ANKS1B: variants seen among roughly 807,000 people sequenced by gnomAD.
ANKS1B encodes the protein ankyrin repeat and sterile alpha motif domain-containing protein 1B.
Under a neutral mutation model 148.3 loss-of-function variants are expected in ANKS1B, and 36 were observed. That is an observed-to-expected ratio of 0.24 (90% confidence interval 0.19 to 0.32). The LOEUF (loss-of-function observed/expected upper bound fraction) is 0.32. Ranked by LOEUF, ANKS1B falls within the 10% of genes least tolerant of loss-of-function variation. ANKS1B has a pLI of 1.00. For missense variants in ANKS1B, 1,157 were observed against 1,542.6 expected (o/e 0.75, Z 4.19); for synonymous variants, 542 against 560.8 (o/e 0.97, Z 0.47).
At chr12:99,387,707 C>T (rs2093923780) in intron 12 of ANKS1B, among the ~76,000 whole-genome samples, 1 of 151,958 alleles carries the variant, frequency 6.6e-6, no homozygotes, top group African/African-American at 2.4e-5. Flanking sequence ...TGGGCTCTCA[C>T]CAGAACCAAA....
chr12:99,504,442 T>G, intron 10 of ANKS1B, 34 bp downstream of exon 10: 1 of 1,591,508 alleles, frequency 6.3e-7, no homozygotes, highest in Non-Finnish European at 8.5e-7. Flanking sequence ...AGCAAGTAAA[T>G]TGAATCAGGC....
At chr12:98,932,294 G>A (rs566425159) in intron 17 of ANKS1B, among the ~76,000 whole-genome samples, 134 of 152,302 alleles carry the variant, frequency 8.8e-4, no homozygotes, top group African/African-American at 3.0e-3. Context: ...TGTATAAGAA[G>A]AGATGTTTTC....
At chr12:98,863,934 C>G (rs2099612026) in intron 17 of ANKS1B, among the ~76,000 whole-genome samples, 2 of 152,188 alleles carry the variant, frequency 1.3e-5, no homozygotes, top group East Asian at 3.8e-4. Flanking sequence ...TACGTGGCAA[C>G]AGATTTACCT....
At chr12:98,813,503 C>T (rs2099114670) in intron 19 of ANKS1B, among the ~76,000 whole-genome samples, 1 of 151,324 alleles carries the variant, frequency 6.6e-6, no homozygotes, top group Non-Finnish European at 1.5e-5. Context: ...AGTTGTGAGC[C>T]ACTGTGCCCA....
chr12:99,840,455 T>C (rs954829911), intron 1 of ANKS1B, among the ~76,000 whole-genome samples: 14 of 152,092 alleles, frequency 9.2e-5, no homozygotes, highest in African/African-American at 3.1e-4. Flanking sequence ...TCTGCTGCTC[T>C]GCTAAGAATA....
At chr12:99,906,573 ATCT>A (rs772881214) in intron 1 of ANKS1B, among the ~76,000 whole-genome samples, 1 of 152,108 alleles carries the variant, frequency 6.6e-6, no homozygotes, top group Non-Finnish European at 1.5e-5. Context: ...TATTCATCTC[ATCT>A]TCTTCTCCTT....
chr12:99,289,682 A>G (rs1363490438), intron 12 of ANKS1B, among the ~76,000 whole-genome samples: 9 of 152,050 alleles, frequency 5.9e-5, no homozygotes, highest in Non-Finnish European at 1.3e-4. Context: ...GTGAATTAAT[A>G]AAGACATTAA....
chr12:99,840,157 G>C (rs1030121354), intron 1 of ANKS1B, among the ~76,000 whole-genome samples: 30 of 152,112 alleles, frequency 2.0e-4, no homozygotes, highest in Non-Finnish European at 4.0e-4. Flanking sequence ...TATCAAGAAA[G>C]GCAAGAGGAA....
At chr12:98,742,953 C>T (rs560838333), downstream of ANKS1B, among the ~76,000 whole-genome samples, 9 of 152,250 alleles carry the variant, frequency 5.9e-5, no homozygotes, top group South Asian at 1.5e-3. Flanking sequence ...AAATGTGTTT[C>T]GAACCTTCAG....
At position 98,832,052 on chromosome 12, in the gene ANKS1B, G is replaced by C. The variant is rs1406099200; in HGVS notation, c.2863C>G (p.Pro955Ala). The change falls in exon 18 of 27, where the codon CCC (proline) becomes GCC (alanine). Residue 955 changes from proline (P) to alanine (A), a missense_variant. By Grantham distance (27) the Pro-to-Ala change is conservative. This residue lies in a region of ANKS1B where 258 missense variants were observed against 497.0 expected (regional missense o/e 0.52). Transcript: ENST00000683438. ...DRLHDDPPQK[P>A]PRSITLREPS... ...ACCCTGAGGGTGATGGACCGAGGGGGCTTCTGTGGGGGATCGTCGTGCAGC... is the reference window on the plus strand; with the variant it reads ...ACCCTGAGGGTGATGGACCGAGGGGCCTTCTGTGGGGGATCGTCGTGCAGC... 1.3e-6 allele frequency: 2 copies of C among 1,596,280 alleles called. No individual in the cohort carries two copies. Among genetic ancestry groups the C allele is most frequent in the South Asian group, 1.1e-5 (1 of 87,416 alleles).
chr12:99,310,997 T>C (rs972519947), intron 12 of ANKS1B, among the ~76,000 whole-genome samples: 1 of 152,152 alleles, frequency 6.6e-6, no homozygotes, highest in Non-Finnish European at 1.5e-5. Flanking sequence ...TTTGTGAGAA[T>C]TAAATGAGCT....
At chr12:99,636,920 T>C (rs2153412287) in intron 9 of ANKS1B, among the ~76,000 whole-genome samples, 1 of 152,286 alleles carries the variant, frequency 6.6e-6, no homozygotes, top group Non-Finnish European at 1.5e-5. Flanking sequence ...ATAATTTGAT[T>C]CACATGAGAA....
intron 17 of ANKS1B, among the ~76,000 whole-genome samples, chr12:98,978,197 C>T (rs2099901071): frequency 6.6e-6 from 1 of 151,942 alleles, no homozygotes; most frequent in Non-Finnish European, 1.5e-5. Flanking sequence ...TATTACCTTG[C>T]TACTTGTTTT....
chr12:99,205,276 C>T (rs1338010696), intron 14 of ANKS1B, among the ~76,000 whole-genome samples: 1 of 152,184 alleles, frequency 6.6e-6, no homozygotes, highest in Admixed American at 6.5e-5. Flanking sequence ...AATCAGTCTG[C>T]TTTTTGTTTT....
At chr12:99,501,549 T>C (rs1190474540) in intron 10 of ANKS1B, among the ~76,000 whole-genome samples, 3 of 152,184 alleles carry the variant, frequency 2.0e-5, no homozygotes, top group Non-Finnish European at 4.4e-5. Flanking sequence ...TGCCTTGTTC[T>C]GCTCACAAAA....
At chr12:99,026,728 C>T (rs1308382951) in intron 17 of ANKS1B, among the ~76,000 whole-genome samples, 1 of 152,166 alleles carries the variant, frequency 6.6e-6, no homozygotes, top group Non-Finnish European at 1.5e-5. Context: ...CAACCAAGAA[C>T]TTAAATGCAG....
intron 17 of ANKS1B, among the ~76,000 whole-genome samples, chr12:98,965,028 T>C (rs1381468252): frequency 6.6e-6 from 1 of 152,124 alleles, no homozygotes; most frequent in Non-Finnish European, 1.5e-5. Flanking sequence ...GCCCATGCAA[T>C]AATGCCTGTA....
chr12:99,920,608 G>C (rs7315179), intron 1 of ANKS1B, among the ~76,000 whole-genome samples: 91,826 of 151,798 alleles, frequency 0.6, 28,924 homozygotes, highest in Middle Eastern at 0.7. Context: ...TAGTTTAAAA[G>C]TCCCTGGCAT....
chr12:99,402,592 T>G (rs74445616), intron 11 of ANKS1B, among the ~76,000 whole-genome samples: 4,748 of 145,794 alleles, frequency 0.033, 827 homozygotes, highest in African/African-American at 0.11. Context: ...GCTCCTGCAT[T>G]AGTTCACTCA....
Sources: allele counts gnomAD v4.1 joint callset (sites outside exome capture counted in the v4.1 genomes callset), GRCh38; gene constraint gnomAD v4.1.1; regional missense constraint gnomAD v4.1.1; transcripts MANE v1.5; gene names NCBI Gene and HGNC (gene_info 2026-07-23, HGNC 2026-07-21).